Variants in KIF2A observed in about 807,000 individuals in gnomAD.
KIF2A encodes the protein kinesin family member 2A, also known as kinesin-like protein KIF2A.
Under a neutral mutation model 100.2 loss-of-function variants are expected in KIF2A, and 22 were observed. The observed-to-expected ratio is 0.22, with a 90% CI of 0.16 to 0.31. KIF2A has a LOEUF of 0.31. Among genes scored for constraint, KIF2A ranks in the 10% least tolerant of loss-of-function variants. The probability of loss-of-function intolerance (pLI) is 1.00; values close to 1 mark genes in which losing one functional copy is unlikely to be tolerated. For missense variants in KIF2A, 495 were observed against 898.7 expected, an observed-to-expected ratio of 0.55 and a Z score of 5.74; for synonymous variants, 268 against 285.9, an observed-to-expected ratio of 0.94 and a Z score of 0.63.
chr5:62,346,711 G>C (rs1485377487), intron 1 of KIF2A, among the ~76,000 whole-genome samples: 1 of 152,174 alleles, frequency 6.6e-6, no homozygotes, highest in Non-Finnish European at 1.5e-5. Context: ...CTGCTCTATA[G>C]CTTAGGTAAC....
At chr5:62,356,430 T>A (rs1748109738) in intron 7 of KIF2A, among the ~76,000 whole-genome samples, 1 of 152,178 alleles carries the variant, frequency 6.6e-6, no homozygotes, top group Non-Finnish European at 1.5e-5. Context: ...ACATAAATGA[T>A]GGGTATGACA....
rs35093486 is a variant in KIF2A at position 62,319,160 on chromosome 5, T to TAACAAC, written c.64+12648_64+12653dup. On this transcript the variant is annotated intron_variant, in intron 1 of 20. Transcript: ENST00000407818. ...TCTCTACCTAGGAGAGTAATTTGGT[T>TAACAAC]AACAACAACAACAACAACAACAACA... Among the ~76,000 whole-genome samples the TAACAAC allele has an allele frequency of 2.4e-3, 364 of 149,800 alleles. 3 individuals are homozygous for TAACAAC. Among genetic ancestry groups the TAACAAC allele is most frequent in the East Asian group, 7.6e-3 (39 of 5,106 alleles).
chr5:62,362,607 A>G, intron 12 of KIF2A, 66 bp downstream of exon 12: 1 of 688,624 alleles, frequency 1.5e-6, no homozygotes, highest in Non-Finnish European at 2.2e-6. Flanking sequence ...TTGCCATTTT[A>G]ACCATTTTTA....
At chr5:62,357,090 T>C (rs1284892950) in intron 7 of KIF2A, among the ~76,000 whole-genome samples, 1 of 147,388 alleles carries the variant, frequency 6.8e-6, no homozygotes, top group Non-Finnish European at 1.5e-5. Context: ...CAACTTCTTT[T>C]TTTTTTTGGT....
At chr5:62,314,510 G>C (rs1579997656) in intron 1 of KIF2A, among the ~76,000 whole-genome samples, 1 of 152,140 alleles carries the variant, frequency 6.6e-6, no homozygotes, top group East Asian at 1.9e-4. Flanking sequence ...GGAAACAGCA[G>C]TGGATGCAGC....
At chr5:62,356,050 G>GGCCTGTAATCAT (rs1748091493) in intron 7 of KIF2A, among the ~76,000 whole-genome samples, 1 of 151,976 alleles carries the variant, frequency 6.6e-6, no homozygotes, top group Non-Finnish European at 1.5e-5. Context: ...CAAAGTGGGA[G>GGCCTGTAATCAT]GCCTGTAATC....
At position 62,313,404 on chromosome 5, in the gene KIF2A, G is replaced by C. The variant is rs199501017; in HGVS notation, c.64+6868G>C. Among the ~76,000 whole-genome samples, 43 of 152,268 alleles carry C rather than the reference G, an allele frequency of 2.8e-4. No homozygotes were observed. The East Asian group carries it at 4.1e-3, about 14-fold the overall frequency. Reference sequence around the variant, plus strand: ...TCTCGCTCTTGTTGCTCAGGCTGGAGTGCAGTGGCGTGATCTCGGCTCACT... The same window carrying C: ...TCTCGCTCTTGTTGCTCAGGCTGGACTGCAGTGGCGTGATCTCGGCTCACT... On this transcript the variant is annotated intron_variant, in intron 1 of 20. Coordinates refer to ENST00000407818, the MANE Select transcript of KIF2A (RefSeq NM_001098511.3).
At chr5:62,379,263 T>G (rs544899667) in intron 19 of KIF2A, among the ~76,000 whole-genome samples, 2 of 152,340 alleles carry the variant, frequency 1.3e-5, no homozygotes, top group Non-Finnish European at 2.9e-5. Context: ...CAGTATTCTT[T>G]TTACAATTCT....
intron 1 of KIF2A, among the ~76,000 whole-genome samples, chr5:62,320,661 G>T (rs533786616): frequency 1.3e-5 from 2 of 151,778 alleles, no homozygotes; most frequent in Non-Finnish European, 1.5e-5. Context: ...CTAAGTTCTG[G>T]TGTTTATCTG....
At chr5:62,361,016 T>C (rs1365799677) in intron 9 of KIF2A, among the ~76,000 whole-genome samples, 1 of 152,208 alleles carries the variant, frequency 6.6e-6, no homozygotes, top group Non-Finnish European at 1.5e-5. Flanking sequence ...ATTATGGAAA[T>C]ATTGCTTGAA....
intron 1 of KIF2A, among the ~76,000 whole-genome samples, chr5:62,345,965 G>T (rs1747544458): frequency 6.6e-6 from 1 of 151,928 alleles, no homozygotes; most frequent in African/African-American, 2.4e-5. Flanking sequence ...TATTCTGTTG[G>T]TGTGCTTCTA....
chr5:62,310,388 GTC>G (rs1331632184), intron 1 of KIF2A, among the ~76,000 whole-genome samples: 1 of 152,114 alleles, frequency 6.6e-6, no homozygotes, highest in Admixed American at 6.5e-5. Flanking sequence ...ATGCATCTGT[GTC>G]ATTACCCCCA....
intron 16 of KIF2A, among the ~76,000 whole-genome samples, chr5:62,372,064 G>C (rs905836995): frequency 6.6e-6 from 1 of 152,158 alleles, no homozygotes; most frequent in Non-Finnish European, 1.5e-5. Flanking sequence ...CAAAAATGTT[G>C]AAGACTCATG....
At chr5:62,307,642 T>A (rs1745374759) in intron 1 of KIF2A, among the ~76,000 whole-genome samples, 1 of 151,796 alleles carries the variant, frequency 6.6e-6, no homozygotes. Flanking sequence ...TTTTTTTTTT[T>A]TGAGACGGAT....
At chr5:62,354,857 A>G in intron 6 of KIF2A, among the ~76,000 whole-genome samples, 1 of 152,132 alleles carries the variant, frequency 6.6e-6, no homozygotes. Flanking sequence ...ATTAAGGTAT[A>G]TGTATAACAG....
intron 12 of KIF2A, 86 bp from the exon 13 acceptor site, chr5:62,363,092 T>TG: frequency 8.8e-7 from 1 of 1,135,658 alleles, no homozygotes; most frequent in Non-Finnish European, 1.2e-6. Context: ...CCTCCCAAAA[T>TG]GCTGGGATTA....
chr5:62,345,870 G>A (rs1226643372), intron 1 of KIF2A, among the ~76,000 whole-genome samples: 1 of 152,086 alleles, frequency 6.6e-6, no homozygotes, highest in South Asian at 2.1e-4. Flanking sequence ...CATAGTTTCT[G>A]TCTCTACTTG....
In KIF2A at chr5:62,372,450, T is replaced by C; in HGVS notation, c.1659T>C (p.Phe553=). Residue 553 remains phenylalanine, a synonymous_variant, in exon 17 of 21, where the codon TTT becomes TTC. Coordinates refer to ENST00000407818, the MANE Select transcript of KIF2A (RefSeq NM_001098511.3). ...TLRYANRVKE[F]GISPSDIPFS... Reference sequence around the variant, plus strand: ...TTTGGTGCTGCAGAGTAAAGGAGTTTGGAATTAGTCCATCAGACATTCCCT... The same window carrying C: ...TTTGGTGCTGCAGAGTAAAGGAGTTCGGAATTAGTCCATCAGACATTCCCT... 3 of 1,604,132 alleles carry C rather than the reference T, an allele frequency of 1.9e-6. No homozygotes were observed. Among genetic ancestry groups the C allele is most frequent in the Non-Finnish European group, 2.6e-6 (3 of 1,171,546 alleles).
At chr5:62,343,937 TG>T (rs1303229925) in intron 1 of KIF2A, among the ~76,000 whole-genome samples, 1 of 152,216 alleles carries the variant, frequency 6.6e-6, no homozygotes, top group Non-Finnish European at 1.5e-5. Flanking sequence ...TCAGCTTAAT[TG>T]AAGTGAGTAG....
Sources: gnomAD v4.1 joint callset for allele counts (sites outside exome capture counted in the v4.1 genomes callset) on GRCh38, gnomAD v4.1.1 for gene constraint, MANE v1.5 for transcripts, NCBI Gene and HGNC (gene_info 2026-07-23, HGNC 2026-07-21) for gene names.